ZNF467: variants seen among roughly 807,000 people sequenced by gnomAD.
ZNF467 encodes zinc finger protein 467.
A neutral mutation model predicts 47.8 loss-of-function variants in ZNF467; 51 were observed. The observed-to-expected ratio is 1.07, with a 90% CI of 0.85 to 1.35. The LOEUF is 1.35. Ranked by LOEUF, ZNF467 falls within the 40% of genes most tolerant of loss-of-function variation. The pLI is 0.00. For missense variants in ZNF467, 992 were observed against 858.1 expected (o/e 1.16, Z -1.95); for synonymous variants, 416 against 372.9 (o/e 1.12, Z -1.33).
At chr7:149,766,934 A>G (rs183019895) in intron 4 of ZNF467, among the ~76,000 whole-genome samples, 1,614 of 152,308 alleles carry the variant, frequency 0.011, 33 homozygotes, top group African/African-American at 0.037. Flanking sequence ...TGGAGTTTAC[A>G]GGGTCTGGGG....
chr7:149,766,163 C>G lies in ZNF467; in HGVS notation c.339G>C (p.Gln113His), dbSNP rs751281385. ...AGGGGCTGGGAAGTAACGATAGATG[C>G]TGGGGCCATTCGACCTCCTCTTCTG... ...QEAEEEVEWP[Q>H]HLSLLPSPFP... Residue 113 changes from glutamine to histidine, a missense_variant, in exon 5 of 5, where the codon CAG (glutamine) becomes CAC (histidine). By Grantham distance (24) the Gln-to-His change is conservative. Transcript: ENST00000302017. 6.3e-7 allele frequency: 1 copy of G among 1,577,486 alleles called. No homozygotes were observed. The highest frequency in any genetic ancestry group is 8.6e-7 in the Non-Finnish European group (1 of 1,158,540).
In ZNF467 at chr7:149,764,704, A is replaced by G. The variant is rs1799093410; in HGVS notation, c.*10T>C. The G allele has an allele frequency of 2.5e-6, 4 of 1,579,274 alleles. No homozygotes were observed. On this transcript the variant is annotated 3_prime_UTR_variant, in exon 5 of 5. Coordinates refer to ENST00000302017, the MANE Select transcript of ZNF467 (RefSeq NM_207336.3). ...CTGTGGGCAAGAAAGGGTCCTCGTG[A>G]GAACTAGGCTCAGAAGAAGAGCGGG... is the stretch of plus-strand genomic sequence containing the variant.
rs1015401396 is a variant in ZNF467, at chr7:149,769,196, G to A, written c.156C>T (p.His52=). 23 of 1,554,280 alleles carry A rather than the reference G, an allele frequency of 1.5e-5. No homozygotes were observed. Among genetic ancestry groups the A allele is most frequent in the African/African-American group, 8.2e-5 (6 of 73,194 alleles). Residue 52 remains histidine, a synonymous_variant, in exon 4 of 5, where the codon CAC becomes CAT. Transcript: ENST00000302017. The surrounding 1 kb of genome is among the most constrained non-coding windows in gnomAD (Gnocchi z 5.3). ...EERALGVCSG[H]EAPTPEEGAH... ...CACCTTCCTCCGGTGTAGGGGCCTC[G>A]TGCCCTGGCAGAGAATAGGATACCT...
rs1478394965 is a variant in ZNF467 at position 149,765,860 on chromosome 7, C to T, written c.642G>A (p.Arg214=). Residue 214 remains arginine (R), a synonymous_variant, in exon 5 of 5, where the codon CGG becomes CGA. Coordinates refer to ENST00000302017, the MANE Select transcript of ZNF467 (RefSeq NM_207336.3). Reference sequence around the variant, plus strand: ...TGTCGCACTCGGAGCACGGGAAAGGCCGCTCGCCGCGGTGGCTGCGCTGAT... The same window carrying T: ...TGTCGCACTCGGAGCACGGGAAAGGTCGCTCGCCGCGGTGGCTGCGCTGAT... ...LLHQRSHRGE[R]PFPCSECDKR... is the part of the protein sequence containing the mutation. The T allele has an allele frequency of 1.2e-6, 2 of 1,603,168 alleles. No individual in the cohort carries two copies. The highest frequency in any genetic ancestry group is 1.1e-5 in the South Asian group (1 of 89,826).
rs1393611944 is a variant in ZNF467, at chr7:149,766,139, G to C, written c.363C>G (p.Pro121=). Residue 121 remains proline (P), a synonymous_variant, in exon 5 of 5, where the codon CCC becomes CCG. Coordinates refer to ENST00000302017, the MANE Select transcript of ZNF467 (RefSeq NM_207336.3). ...GATGCCCCAGGTCAGGCGCGGGAAA[G>C]GGGCTGGGAAGTAACGATAGATGCT... ...WPQHLSLLPS[P]FPAPDLGHLA... 6.2e-7 allele frequency: 1 copy of C among 1,601,120 alleles called. No homozygotes were observed. The highest frequency in any genetic ancestry group is 1.7e-5 in the Admixed American group (1 of 58,564).
In ZNF467 at chr7:149,764,301, T is replaced by TCCC; in HGVS notation, c.*412_*413insGGG. The stretch of plus-strand genomic sequence containing the variant: ...GGGGTGGTCTGTGTGTGGATGGAGG[T>TCCC]GGGACAGTGGCTAAGGAGAGTCAGG... On this transcript the variant is annotated 3_prime_UTR_variant, in exon 5 of 5. Coordinates refer to ENST00000302017, the MANE Select transcript of ZNF467 (RefSeq NM_207336.3). 4.0e-6 allele frequency: 2 copies of TCCC among 503,922 alleles called. No homozygotes were observed. The highest frequency in any genetic ancestry group is 3.8e-5 in the Admixed American group (1 of 26,092). 31.2% of individuals were successfully genotyped at this position (503,922 alleles called of 1,614,324 possible).
chr7:149,769,331 T>C lies in ZNF467; in HGVS notation c.152-131A>G. The C allele has an allele frequency of 2.6e-6, 2 of 777,374 alleles. No homozygotes were observed. Among genetic ancestry groups the C allele is most frequent in the South Asian group, 1.9e-5 (1 of 53,058 alleles). 48.2% of individuals were successfully genotyped at this position (777,374 alleles called of 1,614,324 possible). On this transcript the variant is annotated intron_variant, in intron 3 of 4. Coordinates refer to ENST00000302017, the MANE Select transcript of ZNF467 (RefSeq NM_207336.3). The surrounding 1 kb of genome is among the most constrained non-coding windows in gnomAD (Gnocchi z 5.3). ...GGCCCACAGGGTTCCTCCCACATCC[T>C]ACCTGAATTAAGGGGCTGAGTTCCC...
Position 149,764,493 on chromosome 7 carries a change from C to A in ZNF467, c.*221G>T. On this transcript the variant is annotated 3_prime_UTR_variant, in exon 5 of 5. Coordinates refer to ENST00000302017, the MANE Select transcript of ZNF467 (RefSeq NM_207336.3). The stretch of plus-strand genomic sequence containing the variant: ...CACCTGGGTGGGAGCCTTCCAAGAA[C>A]TTCAGCTCAGCGGTTCCCAGCAAGG... The A allele has an allele frequency of 3.5e-6, 3 of 862,372 alleles. No individual in the cohort carries two copies. The highest frequency in any genetic ancestry group is 3.7e-6 in the Non-Finnish European group (2 of 536,466). The allele number at this position is 862,372 out of a possible 1,614,324, so 53.4% of individuals were successfully genotyped here. A position where few individuals can be genotyped will look rare whatever the true frequency, so the allele number is the denominator to read the frequency against.
Position 149,765,511 on chromosome 7 carries a change from AG to A in ZNF467, c.990del (p.Ser331LeufsTer32), listed in dbSNP as rs1381149114. ...TGAGGAGAAGCGGACGAGTCGGGAGAGGGCCTGGCCGGGCCGGCCGTCTGGT... is the reference window on the plus strand; with the variant it reads ...TGAGGAGAAGCGGACGAGTCGGGAGAGGCCTGGCCGGGCCGGCCGTCTGGT... ...RVHQTAGPAR[P>X]SPDSSASPHS... is the part of the protein sequence containing the mutation. On this transcript the variant is annotated frameshift_variant, in exon 5 of 5. Transcript: ENST00000302017. LOFTEE classifies it high-confidence loss of function. 2 of 1,581,794 alleles carry A rather than the reference AG, an allele frequency of 1.3e-6. No homozygotes were observed. Among genetic ancestry groups the A allele is most frequent in the South Asian group, 2.3e-5 (2 of 86,956 alleles).
chr7:149,765,614 G>C lies in ZNF467; in HGVS notation c.888C>G (p.Gly296=). The part of the protein sequence containing the change: ...HLIRHQRIHT[G]ERPYQCAQCA... ...ACTGTGCGCACTGGTAGGGCCTCTC[G>C]CCCGTATGGATGCGCTGGTGCCGAA... The change falls in exon 5 of 5, where the codon GGC becomes GGG. Residue 296 remains glycine (G), a synonymous_variant. Coordinates refer to ENST00000302017, the MANE Select transcript of ZNF467 (RefSeq NM_207336.3). 1 of 1,604,430 alleles carries C rather than the reference G, an allele frequency of 6.2e-7. No homozygotes were observed. The highest frequency in any genetic ancestry group is 1.1e-5 in the South Asian group (1 of 89,754).
Position 149,764,739 on chromosome 7 carries a change from A to G in ZNF467, c.1763T>C (p.Val588Ala). Reference sequence around the variant, plus strand: ...TCAGAAGAAGAGCGGGGGCGGCGCCACCTCGGGGGGAGCGGACCAGGCTGG... The same window carrying G: ...TCAGAAGAAGAGCGGGGGCGGCGCCGCCTCGGGGGGAGCGGACCAGGCTGG... ...AAPAWSAPPE[V>A]APPPLFF The change falls in exon 5 of 5, where the codon GTG becomes GCG. Residue 588 changes from valine (V) to alanine (A), a missense_variant. By Grantham distance (64) the Val-to-Ala change is moderately conservative. Coordinates refer to ENST00000302017, the MANE Select transcript of ZNF467 (RefSeq NM_207336.3). The G allele has an allele frequency of 6.4e-7, 1 of 1,551,124 alleles. No individual in the cohort carries two copies. Among genetic ancestry groups the G allele is most frequent in the South Asian group, 1.2e-5 (1 of 82,044 alleles).
Position 149,764,584 on chromosome 7 carries a change from A to G in ZNF467, c.*130T>C. On this transcript the variant is annotated 3_prime_UTR_variant, in exon 5 of 5. Transcript: ENST00000302017. ...GCTGTGCGGACGCAGACACTGCGGGAAGGAAACAGGTGTCCCGCGGCGGCC... is the reference window on the plus strand; with the variant it reads ...GCTGTGCGGACGCAGACACTGCGGGGAGGAAACAGGTGTCCCGCGGCGGCC... 1 of 1,497,114 alleles carries G rather than the reference A, an allele frequency of 6.7e-7. No homozygotes were observed. Among genetic ancestry groups the G allele is most frequent in the Non-Finnish European group, 9.1e-7 (1 of 1,102,586 alleles). The allele number at this position is 1,497,114 out of a possible 1,614,324, so 92.7% of individuals were successfully genotyped here. A position where few individuals can be genotyped will look rare whatever the true frequency, so the allele number is the denominator to read the frequency against.
rs530667868 is a variant in ZNF467 at position 149,766,154 on chromosome 7, C to A, written c.348G>T (p.Ser116=). 2 of 1,593,356 alleles carry A rather than the reference C, an allele frequency of 1.3e-6. No homozygotes were observed. Among genetic ancestry groups the A allele is most frequent in the Non-Finnish European group, 1.7e-6 (2 of 1,167,460 alleles). Residue 116 remains serine (S), a synonymous_variant, in exon 5 of 5, where the codon TCG becomes TCT. Coordinates refer to ENST00000302017, the MANE Select transcript of ZNF467 (RefSeq NM_207336.3). Reference sequence around the variant, plus strand: ...GCGCGGGAAAGGGGCTGGGAAGTAACGATAGATGCTGGGGCCATTCGACCT... The same window carrying A: ...GCGCGGGAAAGGGGCTGGGAAGTAAAGATAGATGCTGGGGCCATTCGACCT... ...EEEVEWPQHL[S]LLPSPFPAPD...
chr7:149,766,231 A>C lies in ZNF467; in HGVS notation c.271T>G (p.Trp91Gly). The C allele has an allele frequency of 6.6e-7, 1 of 1,515,092 alleles. No homozygotes were observed. The highest frequency in any genetic ancestry group is 2.3e-5 in the East Asian group (1 of 43,546). 93.9% of individuals were successfully genotyped at this position (1,515,092 alleles called of 1,614,324 possible). A position where few individuals can be genotyped will look rare whatever the true frequency, so the allele number is the denominator to read the frequency against. Residue 91 changes from tryptophan to glycine, a missense_variant, in exon 5 of 5, where the codon TGG becomes GGG. By Grantham distance (184) the Trp-to-Gly change is radical. Transcript: ENST00000302017. ...TCCACCTTCACCTTCCGAATCATCC[A>C]CTCCTCTCCTGGAAAGTCAAAACAA... ...QPVGTCPGEE[W>G]MIRKVKVEDE...
chr7:149,765,335 G>A lies in ZNF467; in HGVS notation c.1167C>T (p.Cys389=), dbSNP rs1450008804. The A allele has an allele frequency of 1.3e-6, 2 of 1,515,378 alleles. No individual in the cohort carries two copies. The highest frequency in any genetic ancestry group is 2.8e-5 in the African/African-American group (2 of 72,694). 93.9% of individuals were successfully genotyped at this position (1,515,378 alleles called of 1,614,324 possible). ...GGGCATCCACGGTGGCGCCCAGTGC[G>A]CACTCATCGCACCCAAAGGGGCGAC... ...SEGRPFGCDE[C]ALGATVDAPA... is the part of the protein sequence containing the mutation. Residue 389 remains cysteine (C), a synonymous_variant, in exon 5 of 5, where the codon TGC becomes TGT. Transcript: ENST00000302017.
At position 149,765,714 on chromosome 7, in the gene ZNF467, T is replaced by C. The variant is rs1438688844; in HGVS notation, c.788A>G (p.Gln263Arg). Residue 263 changes from glutamine (Q) to arginine (R), a missense_variant, in exon 5 of 5, where the codon CAA (glutamine) becomes CGA (arginine). Coordinates refer to ENST00000302017, the MANE Select transcript of ZNF467 (RefSeq NM_207336.3). The part of the protein sequence containing the change: ...FSQKIHLGSH[Q>R]KTHTGERPFP... ...GGGCCGCTCGCCGGTGTGGGTCTTTTGGTGCGAGCCCAGGTGGATCTTCTG... is the reference window on the plus strand; with the variant it reads ...GGGCCGCTCGCCGGTGTGGGTCTTTCGGTGCGAGCCCAGGTGGATCTTCTG... The C allele has an allele frequency of 1.2e-6, 2 of 1,613,542 alleles. No individual in the cohort carries two copies. The highest frequency in any genetic ancestry group is 1.7e-6 in the Non-Finnish European group (2 of 1,179,834).
Position 149,765,003 on chromosome 7 carries a change from G to C in ZNF467, c.1499C>G (p.Ser500Trp). Residue 500 changes from serine (S) to tryptophan (W), a missense_variant, in exon 5 of 5, where the codon TCG becomes TGG. Transcript: ENST00000302017. ...CACCGCCTGGTGGCGGCCCAGGTGC[G>C]ACTTGCGGCTGAAGCGGCGGCCGCA... ...AQCGRRFSRK[S>W]HLGRHQAVHT... is the part of the protein sequence containing the mutation. 1 of 1,588,302 alleles carries C rather than the reference G, an allele frequency of 6.3e-7. No homozygotes were observed. The highest frequency in any genetic ancestry group is 8.5e-7 in the Non-Finnish European group (1 of 1,173,150).
At chr7:149,768,377 CCTT>C (rs1228686811) in intron 4 of ZNF467, among the ~76,000 whole-genome samples, 2 of 152,240 alleles carry the variant, frequency 1.3e-5, no homozygotes, top group African/African-American at 4.8e-5. Context: ...CTGTCACAAA[CCTT>C]CACAAACCGA....
At chr7:149,776,190 G>C, upstream of ZNF467, 1 of 1,095,976 alleles carries the variant, frequency 9.1e-7, no homozygotes, top group South Asian at 1.5e-5. Context: ...CCACCCCCGG[G>C]ATCCTCCCTC....
Sources: allele counts gnomAD v4.1 joint callset (sites outside exome capture counted in the v4.1 genomes callset), GRCh38; gene constraint gnomAD v4.1.1; non-coding constraint Gnocchi (gnomAD v3.1); transcripts MANE v1.5; gene names NCBI Gene and HGNC (gene_info 2026-07-23, HGNC 2026-07-21).